The following KHDRBS2 variants were observed in gnomAD, a reference collection of about 807,000 sequenced individuals.
KHDRBS2 encodes the protein KH domain-containing, RNA-binding, signal transduction-associated protein 2.
Under a neutral mutation model 44.3 loss-of-function variants are expected in KHDRBS2, and 26 were observed. The observed-to-expected ratio is 0.59, with a 90% confidence interval of 0.43 to 0.81. The LOEUF is 0.81. Ranked by LOEUF, KHDRBS2 falls within the 40% of genes least tolerant of loss-of-function variation. The pLI is 0.00. For missense variants in KHDRBS2, 476 were observed against 433.1 expected (o/e 1.10, Z -0.88); for synonymous variants, 194 against 151.1 (o/e 1.28, Z -2.08).
intron 3 of KHDRBS2, among the ~76,000 whole-genome samples, chr6:62,035,284 A>C (rs1584282028): frequency 6.6e-6 from 1 of 152,062 alleles, no homozygotes; most frequent in African/African-American, 2.4e-5. Context: ...TGTGGTACTT[A>C]TACACAATGG....
At chr6:61,829,214 T>C (rs527264702) in intron 6 of KHDRBS2, among the ~76,000 whole-genome samples, 3 of 152,198 alleles carry the variant, frequency 2.0e-5, no homozygotes, top group Non-Finnish European at 4.4e-5. Flanking sequence ...CAGGTTGGAG[T>C]GCAGTGGTGC....
At chr6:61,871,373 T>C (rs1798634079) in intron 6 of KHDRBS2, among the ~76,000 whole-genome samples, 1 of 152,170 alleles carries the variant, frequency 6.6e-6, no homozygotes, top group Non-Finnish European at 1.5e-5. Context: ...AGACTAAATC[T>C]ATGTTTGATT....
At chr6:61,712,027 T>G (rs1770588443) in intron 7 of KHDRBS2, among the ~76,000 whole-genome samples, 1 of 151,812 alleles carries the variant, frequency 6.6e-6, no homozygotes. Context: ...TGGCACTCCC[T>G]GAGGTCTGAG....
chr6:61,964,908 C>G (rs1209201), intron 4 of KHDRBS2, among the ~76,000 whole-genome samples: 108,469 of 152,022 alleles, frequency 0.71, 38,747 homozygotes, highest in African/African-American at 0.74. Flanking sequence ...ACATTTTGTT[C>G]TACACATGGG....
chr6:62,186,106 G>A (rs556343241), intron 1 of KHDRBS2, among the ~76,000 whole-genome samples: 44 of 152,094 alleles, frequency 2.9e-4, no homozygotes, highest in African/African-American at 9.9e-4. Context: ...TGTTAACTGT[G>A]TGACACTTGC....
chr6:61,584,799 G>A, the KHDRBS2 span, among the ~76,000 whole-genome samples: 6 of 151,476 alleles, frequency 4.0e-5, no homozygotes, highest in Non-Finnish European at 8.9e-5. Flanking sequence ...AATATTCAGT[G>A]GTATCAGAAA....
At chr6:61,776,457 C>G (rs147351592) in intron 6 of KHDRBS2, among the ~76,000 whole-genome samples, 1 of 152,024 alleles carries the variant, frequency 6.6e-6, no homozygotes, top group Non-Finnish European at 1.5e-5. Context: ...AAAAAACAAC[C>G]CTATCAAAAA....
At chr6:61,581,602 C>T in the KHDRBS2 span, among the ~76,000 whole-genome samples, 1 of 91,414 alleles carries the variant, frequency 1.1e-5, no homozygotes, top group Non-Finnish European at 2.4e-5. Context: ...ATACAATATA[C>T]AATATAATAT....
At chr6:62,198,032 A>C (rs542590318) in intron 1 of KHDRBS2, among the ~76,000 whole-genome samples, 10 of 152,202 alleles carry the variant, frequency 6.6e-5, no homozygotes, top group Non-Finnish European at 1.2e-4. Flanking sequence ...ACGTTCTTTG[A>C]AACCAATGAG....
chr6:62,260,509 C>A (rs892702048), intron 1 of KHDRBS2, among the ~76,000 whole-genome samples: 2 of 151,902 alleles, frequency 1.3e-5, no homozygotes, highest in Admixed American at 6.6e-5. Flanking sequence ...TACCAACAAG[C>A]CTTTGATCTC....
At chr6:62,035,631 A>G (rs1303652011) in intron 3 of KHDRBS2, among the ~76,000 whole-genome samples, 1 of 152,040 alleles carries the variant, frequency 6.6e-6, no homozygotes, top group Admixed American at 6.6e-5. Context: ...ACATTTAAAC[A>G]TAACTAAAAG....
rs1371048890 is a variant in KHDRBS2 at position 61,680,086 on chromosome 6, A to C, written c.*877T>G. On this transcript the variant is annotated 3_prime_UTR_variant, in exon 9 of 9. Coordinates refer to ENST00000281156, the MANE Select transcript of KHDRBS2 (RefSeq NM_152688.4). ...AACTTTTAAATTATTTAACAACCAT[A>C]AGTTATTAATACATTTTTAAGTATT... 6.6e-6 allele frequency: 1 copy of C among 152,348 alleles called. No individual in the cohort carries two copies. The highest frequency in any genetic ancestry group is 1.5e-5 in the Non-Finnish European group (1 of 67,928). The allele number at this position is 152,348 out of a possible 1,614,324, so 9.4% of individuals were successfully genotyped here. A position where few individuals can be genotyped will look rare whatever the true frequency, so the allele number is the denominator to read the frequency against.
chr6:61,748,686 T>C (rs1472233630), intron 6 of KHDRBS2, among the ~76,000 whole-genome samples: 1 of 152,184 alleles, frequency 6.6e-6, no homozygotes, highest in Non-Finnish European at 1.5e-5. Flanking sequence ...TTCAAATTGC[T>C]GTATTATTCT....
chr6:62,105,160 T>C (rs1363846549), intron 2 of KHDRBS2, among the ~76,000 whole-genome samples: 5 of 152,122 alleles, frequency 3.3e-5, no homozygotes, highest in Non-Finnish European at 1.5e-5. Context: ...AAAAAATAAG[T>C]CAAGATGGCT....
intron 6 of KHDRBS2, among the ~76,000 whole-genome samples, chr6:61,755,984 A>G (rs921716334): frequency 6.6e-6 from 1 of 152,078 alleles, no homozygotes; most frequent in Non-Finnish European, 1.5e-5. Context: ...AACATCTTCC[A>G]GTTCATGTAT....
At chr6:62,194,666 C>A (rs182472893) in intron 1 of KHDRBS2, among the ~76,000 whole-genome samples, 37 of 151,164 alleles carry the variant, frequency 2.4e-4, no homozygotes, top group Admixed American at 1.1e-3. Context: ...CACACCACAC[C>A]CAGCTAACTT....
At chr6:61,558,759 T>C in the KHDRBS2 span, among the ~76,000 whole-genome samples, 1 of 152,232 alleles carries the variant, frequency 6.6e-6, no homozygotes, top group Non-Finnish European at 1.5e-5. Flanking sequence ...TCTCGTATTA[T>C]TTTATTTTGG....
At chr6:62,160,860 C>A (rs1481290839) in intron 2 of KHDRBS2, among the ~76,000 whole-genome samples, 4 of 152,020 alleles carry the variant, frequency 2.6e-5, no homozygotes, top group Non-Finnish European at 5.9e-5. Context: ...TTTAAGTATA[C>A]AGTGTAGTGG....
At chr6:61,983,346 G>A (rs1366122170) in intron 3 of KHDRBS2, among the ~76,000 whole-genome samples, 1 of 150,182 alleles carries the variant, frequency 6.7e-6, no homozygotes, top group Non-Finnish European at 1.5e-5. Flanking sequence ...AGAGTGCTGG[G>A]ATTATAAGCG....
Sources: allele counts gnomAD v4.1 joint callset (sites outside exome capture counted in the v4.1 genomes callset), GRCh38; gene constraint gnomAD v4.1.1; transcripts MANE v1.5; gene names NCBI Gene and HGNC (gene_info 2026-07-23, HGNC 2026-07-21).